DNAH7: variants seen among roughly 807,000 people sequenced by gnomAD.
DNAH7 encodes axonemal beta dynein heavy chain 7.
DNAH7 carries 397 observed loss-of-function variants against 444.6 expected under a neutral mutation model. That is an observed-to-expected ratio of 0.89 (90% CI 0.82 to 0.97). The LOEUF (loss-of-function observed/expected upper bound fraction) is 0.97. DNAH7 is among the 50% of genes least tolerant of loss of function. The probability of loss-of-function intolerance (pLI) is 0.00; values close to 1 mark genes in which losing one functional copy is unlikely to be tolerated. For synonymous variants in DNAH7, 1,636 were observed against 1,624.4 expected (o/e 1.01, Z -0.17); for missense variants, 4,902 against 4,800.8 (o/e 1.02, Z -0.62).
chr2:196,067,181 G>C (rs759737235), intron 1 of DNAH7, among the ~76,000 whole-genome samples: 1 of 152,122 alleles, frequency 6.6e-6, no homozygotes, highest in Non-Finnish European at 1.5e-5. Context: ...ATACTTTTTA[G>C]TTGTAGATGG....
chr2:195,987,523 T>C lies in DNAH7; in HGVS notation c.1627-330A>G, dbSNP rs762209918. ...TTATAGTTGCTCTGTACAAAAAAAA[T>C]ACATGTTCATGGTAGAAAATTTAGA... On this transcript the variant is annotated intron_variant, in intron 13 of 64. Coordinates refer to ENST00000312428, the MANE Select transcript of DNAH7 (RefSeq NM_018897.3). Among the ~76,000 whole-genome samples the C allele has an allele frequency of 1.9e-4, 29 of 152,022 alleles. 1 individual carries two copies. Among genetic ancestry groups the C allele is most frequent in the Admixed American group, 1.6e-3 (24 of 15,254 alleles).
At chr2:195,937,437 G>C (rs1054437446) in intron 19 of DNAH7, among the ~76,000 whole-genome samples, 6 of 152,262 alleles carry the variant, frequency 3.9e-5, no homozygotes, top group Admixed American at 6.5e-5. Flanking sequence ...ACTTGAAAGT[G>C]TCACTGTGAG....
intron 15 of DNAH7, among the ~76,000 whole-genome samples, chr2:195,979,938 C>T (rs1251903470): frequency 6.6e-6 from 1 of 151,434 alleles, no homozygotes; most frequent in East Asian, 1.9e-4. Context: ...CTTAACAGAC[C>T]AACGGGTAAC....
intron 62 of DNAH7, among the ~76,000 whole-genome samples, chr2:195,755,906 T>C (rs1694045889): frequency 6.6e-6 from 1 of 152,218 alleles, no homozygotes; most frequent in African/African-American, 2.4e-5. Flanking sequence ...GTTAAATACC[T>C]AGTGGAAAAA....
chr2:195,878,509 G>A (rs1246025882), intron 36 of DNAH7, among the ~76,000 whole-genome samples: 3 of 151,930 alleles, frequency 2.0e-5, no homozygotes, highest in Non-Finnish European at 2.9e-5. Context: ...CTGAAGTGGG[G>A]GGATCACTTG....
chr2:195,811,498 A>C (rs1696966479), intron 51 of DNAH7, among the ~76,000 whole-genome samples: 1 of 152,088 alleles, frequency 6.6e-6, no homozygotes, highest in Non-Finnish European at 1.5e-5. Context: ...CTACAAGTGC[A>C]TGTCATCACG....
At chr2:195,977,570 G>T (rs1200345752) in intron 15 of DNAH7, among the ~76,000 whole-genome samples, 2 of 151,974 alleles carry the variant, frequency 1.3e-5, no homozygotes, top group South Asian at 2.1e-4. Context: ...GAGATAGGTA[G>T]AACCTTATTC....
In DNAH7 at chr2:195,952,758, C is replaced by T. The variant is rs527558172; in HGVS notation, c.3078+4503G>A. On this transcript the variant is annotated intron_variant, in intron 19 of 64. Transcript: ENST00000312428. ...ACTTGTGTATGGTTCACAAAGTTCT[C>T]GTGCTGTGTTTTTCAGCTCCATCAG... Among the ~76,000 whole-genome samples the T allele has an allele frequency of 5.4e-4, 82 of 152,168 alleles. 1 individual carries two copies. Among genetic ancestry groups the T allele is most frequent in the African/African-American group, 1.8e-3 (76 of 41,528 alleles).
rs980596460 is a variant in DNAH7, at chr2:195,739,335, A to G, written c.11869-1208T>C. Among the ~76,000 whole-genome samples the G allele has an allele frequency of 1.3e-4, 20 of 152,192 alleles. 1 individual carries two copies. Among genetic ancestry groups the G allele is most frequent in the Admixed American group, 6.5e-5 (1 of 15,286 alleles). On this transcript the variant is annotated intron_variant, in intron 64 of 64. Transcript: ENST00000312428. ...GTTGACCCCTCACTGATCCTGTTAC[A>G]GTTGCTCTGAAGGGGTTTTTAACCT...
chr2:195,746,989 C>T (rs1439331961), intron 63 of DNAH7, among the ~76,000 whole-genome samples: 1 of 151,962 alleles, frequency 6.6e-6, no homozygotes, highest in African/African-American at 2.4e-5. Context: ...CAAGAAATAA[C>T]TAAAATCAGA....
intron 21 of DNAH7, among the ~76,000 whole-genome samples, chr2:195,927,798 C>G (rs965440025): frequency 6.6e-6 from 1 of 151,804 alleles, no homozygotes; most frequent in Non-Finnish European, 1.5e-5. Context: ...TTCAAGCATG[C>G]AAATACACAT....
At position 196,022,675 on chromosome 2, in the gene DNAH7, T is replaced by C. The variant is rs79396545; in HGVS notation, c.743+1754A>G. ...ACACATCTGCAGTGACTTCCTCCAC[T>C]GAAGTCTTGAGCCACTCAAAGTCAT... On this transcript the variant is annotated intron_variant, in intron 8 of 64. Coordinates refer to ENST00000312428, the MANE Select transcript of DNAH7 (RefSeq NM_018897.3). Among the ~76,000 whole-genome samples, 168 of 152,346 alleles carry C rather than the reference T, an allele frequency of 1.1e-3. 1 individual carries two copies. The East Asian group carries it at 0.028, about 26-fold the overall frequency.
At position 195,756,204 on chromosome 2, in the gene DNAH7, T is replaced by C. The variant is rs1198593066; in HGVS notation, c.11515A>G (p.Lys3839Glu). 1 of 1,613,672 alleles carries C rather than the reference T, an allele frequency of 6.2e-7. No homozygotes were observed. The highest frequency in any genetic ancestry group is 8.5e-7 in the Non-Finnish European group (1 of 1,179,768). Residue 3839 changes from lysine (K) to glutamate (E), a missense_variant, in exon 62 of 65, where the codon AAA (lysine) becomes GAA (glutamate). Coordinates refer to ENST00000312428, the MANE Select transcript of DNAH7 (RefSeq NM_018897.3). The stretch of plus-strand genomic sequence containing the variant: ...AGTGGTTTAAGGCTTGGGTAGGATT[T>C]ACCCATCCACATTTCTGGAATTTTG... ...NVKIPEMWMG[K>E]SYPSLKPLGS...
In DNAH7 at chr2:196,000,842, C is replaced by A. The variant is rs371929306; in HGVS notation, c.1215G>T (p.Arg405Ser). The change falls in exon 12 of 65, where the codon AGG becomes AGT. Residue 405 changes from arginine to serine, a missense_variant. Physicochemically the swap from Arg to Ser is moderately radical, Grantham distance 110 (BLOSUM62 -1). Transcript: ENST00000312428. ...TAATGGTGTCATTATCAAGAATCAG[C>A]CTCATGATGAAACCTGGATGTTCAA... ...RAFEHPGFIM[R>S]LILDNDTIKF... 3.1e-6 allele frequency: 5 copies of A among 1,598,236 alleles called. No homozygotes were observed. In the African/African-American group the frequency reaches 6.7e-5, roughly 22 times the overall value.
chr2:195,917,101 C>CAA (rs34903739), intron 24 of DNAH7, among the ~76,000 whole-genome samples: 1,648 of 52,774 alleles, frequency 0.031, 35 homozygotes, highest in Non-Finnish European at 0.046. Flanking sequence ...GACTCCACCT[C>CAA]AAAAAAAAAA....
chr2:195,915,323 C>T (rs926582041), intron 24 of DNAH7, among the ~76,000 whole-genome samples: 2 of 151,938 alleles, frequency 1.3e-5, no homozygotes, highest in Non-Finnish European at 2.9e-5. Flanking sequence ...TATTGAGGAA[C>T]AAAAGAAAGG....
Position 195,861,959 on chromosome 2 carries a change from T to C in DNAH7, c.7507-13A>G, listed in dbSNP as rs143830478. 3.7e-4 allele frequency: 594 copies of C among 1,589,808 alleles called. 1 individual carries two copies. The African/African-American group carries it at 6.9e-3, about 18-fold the overall frequency. On this transcript the variant is annotated splice_polypyrimidine_tract_variant and intron_variant, in intron 41 of 64. Transcript: ENST00000312428. ...CTTCAGGCCATGACTAAATGTAAGA[T>C]AAATGCTTTAGCATTTTATTAAGAT...
chr2:195,770,626 G>A (rs1178753759), intron 61 of DNAH7, among the ~76,000 whole-genome samples: 1 of 152,076 alleles, frequency 6.6e-6, no homozygotes, highest in Non-Finnish European at 1.5e-5. Flanking sequence ...AGAGGGACCT[G>A]ACCCAACCTA....
chr2:196,065,950 C>T (rs531046429), intron 1 of DNAH7, among the ~76,000 whole-genome samples: 1 of 152,232 alleles, frequency 6.6e-6, no homozygotes, highest in South Asian at 2.1e-4. Flanking sequence ...TTACCAACAC[C>T]TCTACAAATG....
Sources: gnomAD v4.1 joint callset for allele counts (sites outside exome capture counted in the v4.1 genomes callset) on GRCh38, gnomAD v4.1.1 for gene constraint, MANE v1.5 for transcripts, NCBI Gene and HGNC (gene_info 2026-07-23, HGNC 2026-07-21) for gene names.